Variants in GAS5 observed in about 807,000 individuals in gnomAD.
The protein encoded by GAS5 is growth arrest specific 5, also known as growth arrest specific 5 (non-protein coding).
At chr1:173,864,147 A>T (rs747971547) in intron 7 of GAS5, 4 of 517,338 alleles carry the variant, frequency 7.7e-6, no homozygotes, top group Non-Finnish European at 1.5e-5. Context: ...ATGGGAATGC[A>T]GAATATCAGA....
intron 7 of GAS5, chr1:173,864,154 CAG>C (rs1254558992): frequency 1.9e-6 from 1 of 517,588 alleles, no homozygotes; most frequent in Non-Finnish European, 3.9e-6. Context: ...TGCAGAATAT[CAG>C]ATATTTTATT....
chr1:173,867,797 T>G (rs1400464495), upstream of GAS5: 2 of 518,636 alleles, frequency 3.9e-6, no homozygotes, highest in Non-Finnish European at 7.7e-6. Flanking sequence ...AGTCGCAGCT[T>G]AGGTCACGCA....
intron 6 of GAS5, chr1:173,865,003 T>TGGGATATCACTTTGG (rs1654339898): frequency 2.1e-6 from 1 of 468,062 alleles, no homozygotes; most frequent in South Asian, 1.5e-5. Flanking sequence ...CAGTATCACT[T>TGGGATATCACTTTGG]GAGGTCAAGA....
upstream of GAS5, chr1:173,867,808 T>C (rs1438531533): frequency 1.9e-6 from 1 of 517,698 alleles, no homozygotes; most frequent in African/African-American, 1.9e-5. Context: ...AGGTCACGCA[T>C]GCACCATATG....
chr1:173,865,011 A>C lies in GAS5; in HGVS notation n.276+460T>G, dbSNP rs115510666. On this transcript the variant is annotated intron_variant and non_coding_transcript_variant, in intron 6 of 7. Transcript: ENST00000651080. Reference sequence around the variant, plus strand: ...GTGCGGGCAGTATCACTTGAGGTCAAGAGTTCGAGACCAGCCTGGACAACA... The same window carrying C: ...GTGCGGGCAGTATCACTTGAGGTCACGAGTTCGAGACCAGCCTGGACAACA... 1,690 of 451,924 alleles carry C rather than the reference A, an allele frequency of 3.7e-3. 23 individuals carry two copies. Among genetic ancestry groups the C allele is most frequent in the African/African-American group, 0.032 (1,584 of 49,886 alleles). The allele number at this position is 451,924 out of a possible 1,614,324, so 28.0% of individuals were successfully genotyped here.
At chr1:173,865,271 G>A (rs915428976) in intron 6 of GAS5, 21 of 393,834 alleles carry the variant, frequency 5.3e-5, no homozygotes, top group African/African-American at 4.0e-4. Flanking sequence ...TAGTCAAGCC[G>A]ACTCTCCATA....
At chr1:173,866,740 G>A (rs750348205) in intron 2 of GAS5, 1 of 765,442 alleles carries the variant, frequency 1.3e-6, no homozygotes, top group Non-Finnish European at 2.4e-6. Flanking sequence ...AAACCTTTTT[G>A]AGAGGGAATT....
intron 6 of GAS5, chr1:173,864,728 G>GT (rs1220634585): frequency 2.0e-6 from 1 of 491,586 alleles, no homozygotes; most frequent in Admixed American, 2.2e-5. Context: ...ACAATACACA[G>GT]TAAGACAACT....
At chr1:173,866,738 T>C (rs767586778) in intron 2 of GAS5, 1 of 765,502 alleles carries the variant, frequency 1.3e-6, no homozygotes, top group South Asian at 1.3e-5. Context: ...TTAAACCTTT[T>C]TGAGAGGGAA....
chr1:173,868,852 C>T, upstream of GAS5: 1 of 153,130 alleles, frequency 6.5e-6, no homozygotes, highest in Non-Finnish European at 1.5e-5. Flanking sequence ...CCCCAGGCTT[C>T]CTAACGCAGA....
chr1:173,866,486 T>C (rs1359246698), intron 3 of GAS5: 1 of 655,180 alleles, frequency 1.5e-6, no homozygotes, highest in Non-Finnish European at 2.8e-6. Flanking sequence ...GGCTATTTTC[T>C]AATCCCTTAA....
At chr1:173,865,180 G>A in intron 6 of GAS5, 1 of 336,066 alleles carries the variant, frequency 3.0e-6, no homozygotes, top group East Asian at 8.0e-5. Context: ...CTGGGCAAGA[G>A]CTAGACTCTT....
upstream of GAS5, chr1:173,867,187 CTT>C (rs1328580260): frequency 7.1e-5 from 40 of 565,646 alleles, no homozygotes; most frequent in East Asian, 9.4e-4. Flanking sequence ...AAAGGATACA[CTT>C]AATGTTACAA....
upstream of GAS5, chr1:173,867,414 G>T: frequency 2.8e-6 from 1 of 352,808 alleles, no homozygotes; most frequent in Non-Finnish European, 5.5e-6. Context: ...TACTTGGGAG[G>T]CTGAGGCAGA....
intron 6 of GAS5, chr1:173,865,213 C>G (rs1310985144): frequency 6.1e-6 from 2 of 325,746 alleles, no homozygotes; most frequent in Non-Finnish European, 1.2e-5. Context: ...AAAAAAAATA[C>G]TTGGAACTGC....
upstream of GAS5, chr1:173,867,914 G>A (rs993293209): frequency 5.4e-6 from 2 of 369,588 alleles, no homozygotes; most frequent in African/African-American, 2.1e-5. Flanking sequence ...GCAGACAAAG[G>A]CTGGAGCGCC....
exon 2 of GAS5, chr1:173,866,787 G>A (rs1445417206): frequency 5.2e-6 from 4 of 764,984 alleles, no homozygotes; most frequent in African/African-American, 3.4e-5. Flanking sequence ...ATCCTTCCTT[G>A]GGGACACAAC....
intron 6 of GAS5, chr1:173,864,902 G>C: frequency 1.9e-6 from 1 of 518,858 alleles, no homozygotes; most frequent in South Asian, 1.4e-5. Context: ...TATCATCATT[G>C]TATCGGCTTT....
At chr1:173,866,430 GAA>G in intron 3 of GAS5, 1 of 591,400 alleles carries the variant, frequency 1.7e-6, no homozygotes, top group East Asian at 3.8e-5. Flanking sequence ...ATTCTCATTT[GAA>G]AAGAGGGGAG....
Sources: gnomAD v4.1 joint callset for allele counts on GRCh38, gnomAD v4.1.1 for gene constraint, MANE v1.5 for transcripts, NCBI Gene and HGNC (gene_info 2026-07-23, HGNC 2026-07-21) for gene names.